Variants in NOS1AP observed in about 807,000 individuals in gnomAD.
NOS1AP encodes the protein nitric oxide synthase 1 adaptor protein.
NOS1AP carries 21 observed loss-of-function variants against 56.2 expected under a neutral mutation model. The ratio of observed to expected loss-of-function variants is 0.37; its 90% CI spans 0.26 to 0.54. The LOEUF is 0.54. Among genes scored for constraint, NOS1AP ranks in the 20% least tolerant of loss-of-function variants. NOS1AP has a pLI of 0.84. For missense variants in NOS1AP, 522 were observed against 657.8 expected, an observed-to-expected ratio of 0.79 and a Z score of 2.26; for synonymous variants, 270 against 274.6, an observed-to-expected ratio of 0.98 and a Z score of 0.17.
chr1:162,352,408 C>A (rs1657541664), intron 6 of NOS1AP, among the ~76,000 whole-genome samples: 1 of 151,164 alleles, frequency 6.6e-6, no homozygotes, highest in African/African-American at 2.5e-5. Flanking sequence ...TTCTCCTGGA[C>A]TTGCCCCTGG....
At chr1:162,114,429 A>G (rs1315214022) in intron 1 of NOS1AP, among the ~76,000 whole-genome samples, 1 of 152,032 alleles carries the variant, frequency 6.6e-6, no homozygotes, top group Non-Finnish European at 1.5e-5. Flanking sequence ...AGGCCTTTTG[A>G]CTGATTGAAT....
chr1:162,212,000 A>G (rs1652364013), intron 2 of NOS1AP, among the ~76,000 whole-genome samples: 1 of 152,270 alleles, frequency 6.6e-6, no homozygotes, highest in African/African-American at 2.4e-5. Context: ...ACTTAGTGAC[A>G]GAATCAGGAG....
intron 2 of NOS1AP, among the ~76,000 whole-genome samples, chr1:162,215,027 G>A (rs1244494515): frequency 5.3e-5 from 8 of 152,154 alleles, no homozygotes; most frequent in Non-Finnish European, 2.9e-5. Context: ...TATTCCTCTG[G>A]CTTCACCCCA....
At chr1:162,204,432 G>C (rs1024133980) in intron 2 of NOS1AP, among the ~76,000 whole-genome samples, 1 of 152,164 alleles carries the variant, frequency 6.6e-6, no homozygotes, top group African/African-American at 2.4e-5. Context: ...AATTAAAATG[G>C]CTCACATTTT....
At chr1:162,326,352 C>T (rs2101787332) in intron 4 of NOS1AP, among the ~76,000 whole-genome samples, 1 of 152,254 alleles carries the variant, frequency 6.6e-6, no homozygotes, top group African/African-American at 2.4e-5. Context: ...CAGGCAGTCC[C>T]CATGGAGATG....
At chr1:162,180,185 A>G (rs547200099) in intron 2 of NOS1AP, among the ~76,000 whole-genome samples, 1 of 152,302 alleles carries the variant, frequency 6.6e-6, no homozygotes, top group African/African-American at 2.4e-5. Flanking sequence ...GTGACCTCCA[A>G]TGTGCCAGGC....
chr1:162,288,497 A>C (rs1439521748), intron 3 of NOS1AP, among the ~76,000 whole-genome samples: 1 of 152,208 alleles, frequency 6.6e-6, no homozygotes, highest in Non-Finnish European at 1.5e-5. Flanking sequence ...GAGAGATCTT[A>C]AAGGGGACTT....
chr1:162,143,252 T>G (rs924881386), intron 1 of NOS1AP, among the ~76,000 whole-genome samples: 1 of 152,088 alleles, frequency 6.6e-6, no homozygotes. Context: ...TCACTCCTCT[T>G]TGATTCTGTT....
At chr1:162,074,892 G>C (rs1316839805) in intron 1 of NOS1AP, among the ~76,000 whole-genome samples, 2 of 152,126 alleles carry the variant, frequency 1.3e-5, no homozygotes, top group African/African-American at 2.4e-5. Flanking sequence ...CTTTTGTTTG[G>C]CAGCTGGTTT....
chr1:162,155,312 A>G (rs931144525), intron 2 of NOS1AP, among the ~76,000 whole-genome samples: 2 of 146,078 alleles, frequency 1.4e-5, no homozygotes, highest in Admixed American at 1.4e-4. Flanking sequence ...ATGTATGTGT[A>G]TATATATATG....
intron 2 of NOS1AP, among the ~76,000 whole-genome samples, chr1:162,211,659 C>G (rs1253647419): frequency 6.6e-6 from 1 of 152,168 alleles, no homozygotes; most frequent in Non-Finnish European, 1.5e-5. Flanking sequence ...ACCTTCCTGT[C>G]CGAACTCTTT....
chr1:162,244,153 G>C (rs552539491), intron 2 of NOS1AP, among the ~76,000 whole-genome samples: 8 of 152,304 alleles, frequency 5.3e-5, no homozygotes, highest in Non-Finnish European at 1.2e-4. Context: ...GAGTAGGCAT[G>C]GGATGGAGGA....
At chr1:162,314,804 T>C (rs1192847492) in intron 4 of NOS1AP, among the ~76,000 whole-genome samples, 1 of 152,214 alleles carries the variant, frequency 6.6e-6, no homozygotes, top group Non-Finnish European at 1.5e-5. Context: ...AATTCCAAGG[T>C]AAGACTCCTA....
intron 2 of NOS1AP, among the ~76,000 whole-genome samples, chr1:162,264,493 C>T (rs1375536570): frequency 6.8e-5 from 8 of 116,800 alleles, no homozygotes; most frequent in African/African-American, 9.7e-5. Flanking sequence ...CCCCTCTCCT[C>T]CTCTCCTCTC....
chr1:162,139,548 G>C (rs1420133137), intron 1 of NOS1AP, among the ~76,000 whole-genome samples: 3 of 152,166 alleles, frequency 2.0e-5, no homozygotes, highest in Non-Finnish European at 2.9e-5. Context: ...TGTTGAAAAG[G>C]CTTTGTTACG....
At chr1:162,323,855 C>G (rs1656494327) in intron 4 of NOS1AP, among the ~76,000 whole-genome samples, 1 of 152,198 alleles carries the variant, frequency 6.6e-6, no homozygotes, top group African/African-American at 2.4e-5. Context: ...TTCTATTCCA[C>G]AAAATTACAG....
intron 2 of NOS1AP, among the ~76,000 whole-genome samples, chr1:162,194,343 G>T (rs1651734512): frequency 6.6e-6 from 1 of 152,140 alleles, no homozygotes; most frequent in East Asian, 1.9e-4. Flanking sequence ...TTTGCAGAGA[G>T]CCTGGTTGGT....
intron 4 of NOS1AP, among the ~76,000 whole-genome samples, chr1:162,327,646 G>A (rs1656634747): frequency 6.6e-6 from 1 of 152,170 alleles, no homozygotes; most frequent in African/African-American, 2.4e-5. Context: ...AATTAGCTTT[G>A]AGCATTTGAG....
intron 2 of NOS1AP, among the ~76,000 whole-genome samples, chr1:162,275,077 A>T (rs116105159): frequency 0.025 from 3,828 of 152,288 alleles, 69 homozygotes; most frequent in Non-Finnish European, 0.038. Flanking sequence ...ATGAAGTTCA[A>T]TTAATCAGTT....
Sources: allele counts gnomAD v4.1 joint callset (sites outside exome capture counted in the v4.1 genomes callset), GRCh38; gene constraint gnomAD v4.1.1; transcripts MANE v1.5; gene names NCBI Gene and HGNC (gene_info 2026-07-23, HGNC 2026-07-21).